The following ARHGAP32 variants were observed in gnomAD, a reference collection of about 807,000 sequenced individuals.
ARHGAP32 encodes rho GTPase-activating protein 32.
In ARHGAP32, 51 loss-of-function variants were observed where a neutral mutation model predicts 186.5. The ratio of observed to expected loss-of-function variants is 0.27; its 90% CI spans 0.22 to 0.35. The LOEUF (loss-of-function observed/expected upper bound fraction) is 0.35. ARHGAP32 is among the 10% of genes least tolerant of loss of function. ARHGAP32 has a pLI of 1.00. For synonymous variants in ARHGAP32, 950 were observed against 964.3 expected, an observed-to-expected ratio of 0.99 and a Z score of 0.27; for missense variants, 2,186 against 2,623.5, an observed-to-expected ratio of 0.83 and a Z score of 3.64.
At chr11:128,971,285 T>C (rs1425489543) in intron 22 of ARHGAP32, 126 bp from the exon 23 acceptor site, 3 of 734,246 alleles carry the variant, frequency 4.1e-6, no homozygotes, top group Admixed American at 5.8e-5. Flanking sequence ...AGCCATGTGG[T>C]TGCAATGAAT....
At chr11:129,130,310 C>T (rs1169264284) in intron 2 of ARHGAP32, among the ~76,000 whole-genome samples, 7 of 151,968 alleles carry the variant, frequency 4.6e-5, no homozygotes, top group African/African-American at 1.2e-4. Context: ...CTTCAATCTT[C>T]TCTTAAATAA....
At chr11:129,203,824 G>A (rs1410824038) in intron 1 of ARHGAP32, among the ~76,000 whole-genome samples, 1 of 149,968 alleles carries the variant, frequency 6.7e-6, no homozygotes, top group East Asian at 1.9e-4. Flanking sequence ...CTTGAGCCCA[G>A]GAGTTCTAGG....
chr11:129,264,795 A>G (rs1218443616), intron 1 of ARHGAP32, among the ~76,000 whole-genome samples: 1 of 152,226 alleles, frequency 6.6e-6, no homozygotes, highest in Non-Finnish European at 1.5e-5. Flanking sequence ...GAAAACTGCT[A>G]TAATGAGGTT....
At chr11:128,990,298 A>C (rs1946010887) in intron 12 of ARHGAP32, among the ~76,000 whole-genome samples, 1 of 152,178 alleles carries the variant, frequency 6.6e-6, no homozygotes, top group Non-Finnish European at 1.5e-5. Flanking sequence ...ATTATCATTT[A>C]TTTGTTCATA....
In ARHGAP32 at chr11:129,095,282, A is replaced by C. The variant is rs1039850203; in HGVS notation, c.445-1575T>G. Among the ~76,000 whole-genome samples, 37 of 152,236 alleles carry C rather than the reference A, an allele frequency of 2.4e-4. 1 individual carries two copies. The highest frequency in any genetic ancestry group is 8.8e-5 in the Non-Finnish European group (6 of 68,032). On this transcript the variant is annotated intron_variant, in intron 5 of 22. Coordinates refer to ENST00000682385, the MANE Select transcript of ARHGAP32 (RefSeq NM_001378024.1). ...ACGCCTGGCAGAGATACAAGAGAAA[A>C]AAGAATCTATGTTAGACAGGGTAAG...
intron 1 of ARHGAP32, among the ~76,000 whole-genome samples, chr11:129,173,029 T>G (rs1943804262): frequency 6.7e-6 from 1 of 148,310 alleles, no homozygotes; most frequent in Non-Finnish European, 1.5e-5. Context: ...GCTGTTTTTT[T>G]GAAAAAACAA....
chr11:129,279,458 G>C (rs1300270129), upstream of ARHGAP32: 2 of 145,674 alleles, frequency 1.4e-5, no homozygotes, highest in East Asian at 4.1e-4. Flanking sequence ...CGGCCCCCGG[G>C]GACGCGGGTC....
rs577826686 is a variant in ARHGAP32 at position 128,969,628 on chromosome 11, G to A, written c.5585C>T (p.Thr1862Met). The change falls in exon 23 of 23, where the codon ACG (threonine) becomes ATG (methionine). Residue 1862 changes from threonine (T) to methionine (M), a missense_variant. Physicochemically the swap from Thr to Met is moderately conservative, Grantham distance 81. Around this residue, in one of 5 missense-constraint regions of ARHGAP32, gnomAD observed 1,502 missense variants for 1,570.0 expected, o/e 0.96. Coordinates refer to ENST00000682385, the MANE Select transcript of ARHGAP32 (RefSeq NM_001378024.1). This position sits in a 1 kb window ranked among gnomAD's most constrained non-coding sequence, Gnocchi z 4.8. ...RAHHHGGHGS[T>M]QPEKPSLPQK... ...AGGCAGGGATGGCTTCTCCGGCTGCGTGCTACCATGGCCTCCGTGATGGTG... is the reference window on the plus strand; with the variant it reads ...AGGCAGGGATGGCTTCTCCGGCTGCATGCTACCATGGCCTCCGTGATGGTG... 3.1e-5 allele frequency: 50 copies of A among 1,613,928 alleles called. 1 individual carries two copies. Among genetic ancestry groups the A allele is most frequent in the South Asian group, 2.2e-4 (20 of 91,092 alleles).
At chr11:129,176,803 T>G (rs1050832636) in intron 1 of ARHGAP32, among the ~76,000 whole-genome samples, 22 of 151,434 alleles carry the variant, frequency 1.5e-4, no homozygotes, top group Admixed American at 7.2e-4. Context: ...AGAGGGAAAT[T>G]TATAGCACTA....
chr11:129,173,272 T>G (rs190044299), intron 1 of ARHGAP32, among the ~76,000 whole-genome samples: 185 of 147,656 alleles, frequency 1.3e-3, no homozygotes, highest in African/African-American at 4.4e-3. Context: ...AGAAGCTGAA[T>G]CCCTGAATAG....
intron 6 of ARHGAP32, among the ~76,000 whole-genome samples, chr11:129,071,209 A>T (rs544560034): frequency 3.9e-5 from 6 of 152,170 alleles, no homozygotes; most frequent in South Asian, 4.1e-4. Flanking sequence ...GAAATTAGTT[A>T]GTCTTGAATG....
At chr11:129,025,673 A>G (rs1938807141) in intron 11 of ARHGAP32, among the ~76,000 whole-genome samples, 1 of 152,026 alleles carries the variant, frequency 6.6e-6, no homozygotes, top group South Asian at 2.1e-4. Flanking sequence ...AAAAAGAGAA[A>G]GAAGAGAAGG....
chr11:129,227,633 T>G (rs959727076), intron 1 of ARHGAP32, among the ~76,000 whole-genome samples: 3 of 151,946 alleles, frequency 2.0e-5, no homozygotes, highest in Non-Finnish European at 1.5e-5. Flanking sequence ...TACACTAACA[T>G]CTAACAAAAT....
intron 5 of ARHGAP32, among the ~76,000 whole-genome samples, chr11:129,106,831 T>TA (rs1723891125): frequency 6.6e-6 from 1 of 152,192 alleles, no homozygotes; most frequent in South Asian, 2.1e-4. Flanking sequence ...ATCAGTGCTT[T>TA]AAAAAACCTA....
chr11:128,973,033 T>C lies in ARHGAP32; in HGVS notation c.3473A>G (p.Gln1158Arg). 7.4e-6 allele frequency: 12 copies of C among 1,614,124 alleles called. No homozygotes were observed. Among genetic ancestry groups the C allele is most frequent in the Middle Eastern group, 1.6e-4 (1 of 6,062 alleles). The change falls in exon 22 of 23, where the codon CAA becomes CGA. Residue 1158 changes from glutamine (Q) to arginine (R), a missense_variant. Transcript: ENST00000682385. The stretch of plus-strand genomic sequence containing the variant: ...TGGCTGATTCCCTGTTAAGTCTACT[T>C]GGTGATGTTGCTCCCCAGATTCAGT... ...NTTESGEQHH[Q>R]VDLTGNQPHQ...
rs563782620 is a variant in ARHGAP32, at chr11:129,115,475, T to A, written c.444+7971A>T. ...ACTGTTTTCTCAGCTGAGTATCTGA[T>A]AAAGTAACCGATGTGCTCATCTTTA... is the stretch of plus-strand genomic sequence containing the variant. On this transcript the variant is annotated intron_variant, in intron 5 of 22. Transcript: ENST00000682385. Among the ~76,000 whole-genome samples the A allele has an allele frequency of 5.9e-5, 9 of 152,192 alleles. No individual in the cohort carries two copies. The East Asian group carries it at 1.7e-3, about 29-fold the overall frequency.
At chr11:129,206,041 T>A (rs1944510124) in intron 1 of ARHGAP32, among the ~76,000 whole-genome samples, 1 of 152,136 alleles carries the variant, frequency 6.6e-6, no homozygotes, top group South Asian at 2.1e-4. Context: ...GGATTATATG[T>A]AAGCAAATCC....
At chr11:129,058,188 TACACAC>T (rs58479028) in intron 10 of ARHGAP32, among the ~76,000 whole-genome samples, 3,663 of 133,834 alleles carry the variant, frequency 0.027, 81 homozygotes, top group South Asian at 0.11. Flanking sequence ...AAAAAAAATA[TACACAC>T]ACACACACAC....
chr11:129,268,172 G>C lies in ARHGAP32; in HGVS notation c.-5+10974C>G, dbSNP rs145935978. Among the ~76,000 whole-genome samples the C allele has an allele frequency of 2.6e-5, 4 of 152,188 alleles. No homozygotes were observed. In the East Asian group the frequency reaches 7.7e-4, roughly 29 times the overall value. On this transcript the variant is annotated intron_variant, in intron 1 of 6. Coordinates refer to the ARHGAP32 transcript ENST00000525234. ...GCCTGAAAAATAATCTAAAAACCTT[G>C]TCCTATGAGGAATAGTTGAAGAAAA... is the stretch of plus-strand genomic sequence containing the variant.
Sources: allele counts gnomAD v4.1 joint callset (sites outside exome capture counted in the v4.1 genomes callset), GRCh38; gene constraint gnomAD v4.1.1; regional missense constraint gnomAD v4.1.1; non-coding constraint Gnocchi (gnomAD v3.1); transcripts MANE v1.5; gene names NCBI Gene and HGNC (gene_info 2026-07-23, HGNC 2026-07-21).